The following PPP3CA variants were observed in gnomAD, a reference collection of about 807,000 sequenced individuals.
PPP3CA encodes the protein protein phosphatase 3 catalytic subunit alpha.
Under a neutral mutation model 66.5 loss-of-function variants are expected in PPP3CA, and 14 were observed. The ratio of observed to expected loss-of-function variants is 0.21; its 90% confidence interval spans 0.14 to 0.33. The LOEUF is 0.33. Ranked by LOEUF, PPP3CA falls within the 10% of genes least tolerant of loss-of-function variation. The probability of loss-of-function intolerance (pLI) is 1.00; values close to 1 mark genes in which losing one functional copy is unlikely to be tolerated. For missense variants in PPP3CA, 317 were observed against 639.5 expected, an observed-to-expected ratio of 0.50 and a Z score of 5.44; for synonymous variants, 232 against 226.2, an observed-to-expected ratio of 1.03 and a Z score of -0.23.
chr4:101,032,168 A>G, intron 12 of PPP3CA, 99 bp downstream of exon 12: 1 of 922,390 alleles, frequency 1.1e-6, no homozygotes, highest in Non-Finnish European at 1.5e-6. Context: ...GAAGAACCGA[A>G]GACCAAGACA....
At chr4:101,088,203 CTT>C (rs1441814809) in intron 6 of PPP3CA, among the ~76,000 whole-genome samples, 68 of 152,256 alleles carry the variant, frequency 4.5e-4, no homozygotes. Flanking sequence ...GCACTATTCA[CTT>C]TGTATTTTAC....
chr4:101,172,797 CTCTCTAAGT>C (rs1473914148), intron 2 of PPP3CA, among the ~76,000 whole-genome samples: 1 of 152,090 alleles, frequency 6.6e-6, no homozygotes, highest in African/African-American at 2.4e-5. Context: ...TTAAACATAA[CTCTCTAAGT>C]TCTCATTCTT....
At chr4:101,315,111 G>A (rs1033692258) in intron 1 of PPP3CA, among the ~76,000 whole-genome samples, 1 of 152,148 alleles carries the variant, frequency 6.6e-6, no homozygotes, top group African/African-American at 2.4e-5. Flanking sequence ...TGAGTCATGA[G>A]GGCTGAGTCC....
At chr4:101,277,364 C>T (rs906286116) in intron 1 of PPP3CA, among the ~76,000 whole-genome samples, 2 of 152,044 alleles carry the variant, frequency 1.3e-5, no homozygotes, top group African/African-American at 2.4e-5. Flanking sequence ...CATTTGTGTA[C>T]GGGTTTTTGC....
At chr4:101,249,289 T>C (rs1560680229) in intron 1 of PPP3CA, among the ~76,000 whole-genome samples, 1 of 152,130 alleles carries the variant, frequency 6.6e-6, no homozygotes, top group Non-Finnish European at 1.5e-5. Flanking sequence ...TCCACCTTAA[T>C]ATAGCATTAG....
intron 1 of PPP3CA, among the ~76,000 whole-genome samples, chr4:101,262,060 A>C (rs114445643): frequency 1.5e-4 from 23 of 152,280 alleles, no homozygotes; most frequent in Admixed American, 3.3e-4. Flanking sequence ...CAATGAATTA[A>C]AAACTGACCA....
At chr4:101,124,731 G>GAAAGAA (rs1560614494) in intron 2 of PPP3CA, among the ~76,000 whole-genome samples, 28 of 60,534 alleles carry the variant, frequency 4.6e-4, no homozygotes, top group African/African-American at 1.8e-3. Context: ...GAAAGAGAAA[G>GAAAGAA]AAAGAAAGAA....
intron 2 of PPP3CA, among the ~76,000 whole-genome samples, chr4:101,147,323 T>C (rs943530999): frequency 3.3e-5 from 5 of 152,202 alleles, no homozygotes; most frequent in East Asian, 1.9e-4. Context: ...CTGTAAAAGG[T>C]TGCCATGTTG....
chr4:101,144,562 T>C (rs17240082), intron 2 of PPP3CA, among the ~76,000 whole-genome samples: 7,591 of 152,236 alleles, frequency 0.05, 240 homozygotes, highest in Middle Eastern at 0.11. Flanking sequence ...TTGAAGTCTG[T>C]TATTCCCTGC....
intron 2 of PPP3CA, among the ~76,000 whole-genome samples, chr4:101,171,763 G>T (rs10018021): frequency 0.48 from 72,664 of 151,670 alleles, 19,004 homozygotes; most frequent in Middle Eastern, 0.63. Flanking sequence ...AGGTATAAGA[G>T]ACATAAATAT....
chr4:101,226,709 T>C (rs1306005644), intron 1 of PPP3CA, among the ~76,000 whole-genome samples: 1 of 151,718 alleles, frequency 6.6e-6, no homozygotes, highest in African/African-American at 2.4e-5. Context: ...GGAATTTCTT[T>C]TTTTTTCATA....
chr4:101,164,567 T>TG (rs1490103099), intron 2 of PPP3CA, among the ~76,000 whole-genome samples: 1 of 151,074 alleles, frequency 6.6e-6, no homozygotes, highest in East Asian at 1.9e-4. Context: ...TTTAAGTTTT[T>TG]TTTTTTTTTT....
intron 2 of PPP3CA, among the ~76,000 whole-genome samples, chr4:101,174,833 G>T (rs1388076948): frequency 6.6e-6 from 1 of 152,082 alleles, no homozygotes; most frequent in South Asian, 2.1e-4. Flanking sequence ...AGCTATAAGA[G>T]CTTGACAGGT....
chr4:101,107,808 T>C (rs1323745265), intron 3 of PPP3CA, among the ~76,000 whole-genome samples: 2 of 152,236 alleles, frequency 1.3e-5, no homozygotes, highest in African/African-American at 2.4e-5. Context: ...TGTTTTTCTA[T>C]GATTATTATG....
At chr4:101,194,106 A>G (rs1372963655) in intron 2 of PPP3CA, among the ~76,000 whole-genome samples, 3 of 152,144 alleles carry the variant, frequency 2.0e-5, no homozygotes, top group Admixed American at 2.0e-4. Context: ...CTTACTCACC[A>G]CTGGTCCAAT....
intron 1 of PPP3CA, among the ~76,000 whole-genome samples, chr4:101,225,795 G>A (rs1385730381): frequency 6.6e-6 from 1 of 151,592 alleles, no homozygotes; most frequent in African/African-American, 2.4e-5. Flanking sequence ...AAAACATCTG[G>A]GATACAGGTA....
chr4:101,204,814 CTTAA>C (rs1404741042), intron 1 of PPP3CA, among the ~76,000 whole-genome samples: 1 of 151,012 alleles, frequency 6.6e-6, no homozygotes, highest in African/African-American at 2.4e-5. Flanking sequence ...TATTAAATGT[CTTAA>C]TTTATATGTT....
intron 1 of PPP3CA, among the ~76,000 whole-genome samples, chr4:101,340,413 G>A (rs945558444): frequency 1.3e-5 from 2 of 152,008 alleles, no homozygotes; most frequent in Non-Finnish European, 2.9e-5. Context: ...TGTCAGTGAG[G>A]GCTTTTATTT....
chr4:101,237,426 A>G (rs2110230106), intron 1 of PPP3CA, among the ~76,000 whole-genome samples: 1 of 152,168 alleles, frequency 6.6e-6, no homozygotes, highest in African/African-American at 2.4e-5. Context: ...CACACAAAGT[A>G]GCATGAAAAA....
Sources: gnomAD v4.1 joint callset for allele counts (sites outside exome capture counted in the v4.1 genomes callset) on GRCh38, gnomAD v4.1.1 for gene constraint, MANE v1.5 for transcripts, NCBI Gene and HGNC (gene_info 2026-07-23, HGNC 2026-07-21) for gene names.